Variants in PRKN observed in about 807,000 individuals in gnomAD.
PRKN encodes the protein parkin RBR E3 ubiquitin protein ligase.
In PRKN, 56 loss-of-function variants were observed where a neutral mutation model predicts 59.5. That is an observed-to-expected ratio of 0.94 (90% CI 0.76 to 1.18). PRKN has a LOEUF of 1.18. Among genes scored for constraint, PRKN ranks in the 50% most tolerant of loss-of-function variants. The probability of loss-of-function intolerance (pLI) is 0.00; values close to 1 mark genes in which losing one functional copy is unlikely to be tolerated. For synonymous variants in PRKN, 250 were observed against 222.1 expected, an observed-to-expected ratio of 1.13 and a Z score of -1.12; for missense variants, 657 against 596.4, an observed-to-expected ratio of 1.10 and a Z score of -1.06.
chr6:162,018,796 C>T (rs1226680252), intron 5 of PRKN, among the ~76,000 whole-genome samples: 1 of 152,118 alleles, frequency 6.6e-6, no homozygotes, highest in African/African-American at 2.4e-5. Context: ...CATGAGTGGG[C>T]TCTGCAATAA....
intron 4 of PRKN, among the ~76,000 whole-genome samples, chr6:162,192,794 T>G (rs1168625275): frequency 6.6e-6 from 1 of 152,138 alleles, no homozygotes; most frequent in Non-Finnish European, 1.5e-5. Flanking sequence ...GCCCACAATT[T>G]TGAGAATTTC....
intron 7 of PRKN, among the ~76,000 whole-genome samples, chr6:161,727,249 A>G (rs1039734809): frequency 2.0e-5 from 3 of 151,854 alleles, no homozygotes; most frequent in Admixed American, 6.6e-5. Context: ...CGTCCAACCA[A>G]CCCCTGCAGG....
At chr6:162,119,192 T>C (rs147357600) in intron 4 of PRKN, among the ~76,000 whole-genome samples, 11 of 152,284 alleles carry the variant, frequency 7.2e-5, no homozygotes, top group African/African-American at 2.6e-4. Context: ...GATACCTTAT[T>C]AGTTATGAGA....
At chr6:161,555,664 G>A (rs1161572665) in intron 8 of PRKN, among the ~76,000 whole-genome samples, 1 of 152,114 alleles carries the variant, frequency 6.6e-6, no homozygotes, top group African/African-American at 2.4e-5. Context: ...CTTTGCCTGG[G>A]TAAATCTGGT....
At chr6:162,616,551 C>T (rs1448513825) in intron 1 of PRKN, among the ~76,000 whole-genome samples, 1 of 152,084 alleles carries the variant, frequency 6.6e-6, no homozygotes, top group Non-Finnish European at 1.5e-5. Flanking sequence ...TAATATAACT[C>T]ACTACACAGT....
At chr6:161,714,831 C>T (rs1022894913) in intron 7 of PRKN, among the ~76,000 whole-genome samples, 2 of 152,118 alleles carry the variant, frequency 1.3e-5, no homozygotes, top group Non-Finnish European at 2.9e-5. Flanking sequence ...GATGTGTTCG[C>T]TTTTGTTCCC....
chr6:161,666,170 G>A (rs111534197), intron 7 of PRKN, among the ~76,000 whole-genome samples: 2 of 150,632 alleles, frequency 1.3e-5, no homozygotes, highest in African/African-American at 5.0e-5. Context: ...CTACAGGGCA[G>A]GGGGTCCCCA....
At chr6:161,821,388 G>T (rs186370131) in intron 6 of PRKN, among the ~76,000 whole-genome samples, 1 of 152,052 alleles carries the variant, frequency 6.6e-6, no homozygotes, top group East Asian at 1.9e-4. Flanking sequence ...TTAATGTCTG[G>T]TTATAATTCT....
At chr6:162,556,344 T>TGG (rs1688402048) in intron 1 of PRKN, among the ~76,000 whole-genome samples, 1 of 87,336 alleles carries the variant, frequency 1.1e-5, no homozygotes, top group Non-Finnish European at 2.5e-5. Flanking sequence ...ACTCAGCTGG[T>TGG]GTGTGTGTGT....
intron 2 of PRKN, among the ~76,000 whole-genome samples, chr6:162,288,292 T>C (rs1188693476): frequency 6.6e-6 from 1 of 152,132 alleles, no homozygotes; most frequent in Admixed American, 6.5e-5. Context: ...CTAAGGTAGC[T>C]CTTGAGTGTC....
chr6:161,626,135 C>T (rs186628876), intron 7 of PRKN, among the ~76,000 whole-genome samples: 18 of 152,284 alleles, frequency 1.2e-4, no homozygotes, highest in African/African-American at 3.6e-4. Flanking sequence ...GTGTATTCCT[C>T]GCCGTGCACA....
At chr6:162,609,959 T>C (rs1782077745) in intron 1 of PRKN, among the ~76,000 whole-genome samples, 1 of 152,236 alleles carries the variant, frequency 6.6e-6, no homozygotes, top group Non-Finnish European at 1.5e-5. Flanking sequence ...GGATACGTTT[T>C]GGAACAAAAG....
chr6:161,733,019 T>C (rs56909889), intron 7 of PRKN, among the ~76,000 whole-genome samples: 27,570 of 152,092 alleles, frequency 0.18, 6,168 homozygotes, highest in African/African-American at 0.53. Context: ...CTTCAGAAAA[T>C]GCTGCTAACA....
intron 5 of PRKN, among the ~76,000 whole-genome samples, chr6:162,021,374 T>C (rs1364973740): frequency 1.4e-5 from 2 of 147,008 alleles, no homozygotes; most frequent in African/African-American, 4.9e-5. Flanking sequence ...ATCCAATCCC[T>C]TTATGCTTTA....
chr6:161,662,646 A>C (rs751925353), intron 7 of PRKN, among the ~76,000 whole-genome samples: 4 of 144,254 alleles, frequency 2.8e-5, no homozygotes, highest in African/African-American at 9.8e-5. Flanking sequence ...CAACTTTAGC[A>C]AAGTCTCTGA....
At chr6:162,619,656 G>C (rs1177502877) in intron 1 of PRKN, among the ~76,000 whole-genome samples, 1 of 151,936 alleles carries the variant, frequency 6.6e-6, no homozygotes, top group Non-Finnish European at 1.5e-5. Flanking sequence ...TATAACAGTT[G>C]TATAAAAAGT....
chr6:162,705,729 G>A (rs193231652), intron 1 of PRKN, among the ~76,000 whole-genome samples: 235 of 152,262 alleles, frequency 1.5e-3, no homozygotes, highest in African/African-American at 5.5e-3. Context: ...GAGAATTCAG[G>A]TTCAATTTTT....
intron 3 of PRKN, among the ~76,000 whole-genome samples, chr6:162,250,187 G>GGC (rs1286507278): frequency 1.3e-5 from 1 of 75,520 alleles, no homozygotes; most frequent in East Asian, 2.8e-4. Flanking sequence ...TTATTTATAA[G>GGC]GGGGGGGGCA....
chr6:162,658,674 G>A (rs28606445), intron 1 of PRKN, among the ~76,000 whole-genome samples: 2,195 of 93,792 alleles, frequency 0.023, no homozygotes, highest in African/African-American at 0.033. Context: ...AAAAAAAAAA[G>A]AAAAAAAAAA....
Sources: allele counts gnomAD v4.1 joint callset (sites outside exome capture counted in the v4.1 genomes callset), GRCh38; gene constraint gnomAD v4.1.1; transcripts MANE v1.5; gene names NCBI Gene and HGNC (gene_info 2026-07-23, HGNC 2026-07-21).